The following GABRB1 variants were observed in gnomAD, a reference collection of about 807,000 sequenced individuals.
GABRB1 encodes gamma-aminobutyric acid receptor subunit beta-1.
A neutral mutation model predicts 51.6 loss-of-function variants in GABRB1; 17 were observed. The observed-to-expected ratio is 0.33, with a 90% CI of 0.23 to 0.49. The LOEUF (loss-of-function observed/expected upper bound fraction) is 0.49. Among genes scored for constraint, GABRB1 ranks in the 20% least tolerant of loss-of-function variants. The pLI is 0.99. For missense variants in GABRB1, 410 were observed against 600.6 expected (o/e 0.68, Z 3.32); for synonymous variants, 247 against 218.9 (o/e 1.13, Z -1.14).
rs143483248 is a variant in GABRB1, at chr4:47,198,728, G to A, written c.461+37259G>A. Among the ~76,000 whole-genome samples the A allele has an allele frequency of 2.8e-3, 424 of 152,312 alleles. 3 individuals are homozygous for A. Among genetic ancestry groups the A allele is most frequent in the African/African-American group, 9.2e-3 (381 of 41,564 alleles). On this transcript the variant is annotated intron_variant, in intron 4 of 8. Coordinates refer to ENST00000295454, the MANE Select transcript of GABRB1 (RefSeq NM_000812.4). ...TTTAGCTGAGAAGATTTCTGTTTTA[G>A]TACATTCTCCTGCTGCTACAAAGAA... is the stretch of plus-strand genomic sequence containing the variant.
At chr4:47,032,321 G>T (rs1296047738) in intron 2 of GABRB1, 96 bp from the exon 3 acceptor site, 8 of 1,158,348 alleles carry the variant, frequency 6.9e-6, no homozygotes, top group Non-Finnish European at 8.6e-6. Context: ...GAGGGAGCCC[G>T]TTAAGAATGG....
chr4:47,037,559 T>TTG (rs1553911047), intron 3 of GABRB1, among the ~76,000 whole-genome samples: 1 of 149,882 alleles, frequency 6.7e-6, no homozygotes, highest in Non-Finnish European at 1.5e-5. Context: ...TGTTTTTTGT[T>TTG]TTTTTTTTTT....
intron 8 of GABRB1, among the ~76,000 whole-genome samples, chr4:47,421,781 T>C (rs1334469322): frequency 2.0e-5 from 3 of 152,146 alleles, no homozygotes; most frequent in Non-Finnish European, 4.4e-5. Context: ...TATTATGCCA[T>C]GTACAGTTTG....
intron 3 of GABRB1, among the ~76,000 whole-genome samples, chr4:47,062,615 C>A (rs1288825425): frequency 1.3e-5 from 2 of 152,084 alleles, no homozygotes; most frequent in African/African-American, 4.8e-5. Context: ...TTAACTCTTT[C>A]CAATACATTC....
intron 4 of GABRB1, among the ~76,000 whole-genome samples, chr4:47,257,765 A>G (rs1722272664): frequency 6.6e-6 from 1 of 152,088 alleles, no homozygotes; most frequent in South Asian, 2.1e-4. Context: ...AGGAAAGAAA[A>G]AAAGACTTTA....
intron 3 of GABRB1, among the ~76,000 whole-genome samples, chr4:47,109,735 T>G (rs1715136720): frequency 6.6e-6 from 1 of 152,174 alleles, no homozygotes; most frequent in Non-Finnish European, 1.5e-5. Flanking sequence ...GATTTAAAGA[T>G]GCAATTTAGG....
chr4:47,032,774 CT>C (rs1174745440), intron 3 of GABRB1: 1 of 619,396 alleles, frequency 1.6e-6, no homozygotes, highest in Admixed American at 2.1e-5. Context: ...GTTACTTTAG[CT>C]GGGTTTCCCT....
chr4:47,149,809 C>CT (rs1171664118), intron 3 of GABRB1, among the ~76,000 whole-genome samples: 2 of 151,792 alleles, frequency 1.3e-5, no homozygotes, highest in African/African-American at 2.4e-5. Context: ...TTTTCTTTTT[C>CT]TTTTTTTCTC....
intron 3 of GABRB1, among the ~76,000 whole-genome samples, chr4:47,089,592 T>C (rs1728215505): frequency 6.6e-6 from 1 of 152,188 alleles, no homozygotes; most frequent in Non-Finnish European, 1.5e-5. Context: ...AAATAGGAGT[T>C]CTGAAGCACA....
chr4:47,247,800 C>A (rs1011218734), intron 4 of GABRB1, among the ~76,000 whole-genome samples: 4 of 151,950 alleles, frequency 2.6e-5, no homozygotes, highest in African/African-American at 7.2e-5. Context: ...GAGTTGAGAT[C>A]TTGATTTGAT....
At chr4:47,268,510 T>G (rs987815600) in intron 4 of GABRB1, among the ~76,000 whole-genome samples, 1 of 152,208 alleles carries the variant, frequency 6.6e-6, no homozygotes, top group Non-Finnish European at 1.5e-5. Flanking sequence ...AAATGAAATT[T>G]GATTTAAATA....
chr4:47,210,561 A>G (rs1720314220), intron 4 of GABRB1, among the ~76,000 whole-genome samples: 1 of 152,200 alleles, frequency 6.6e-6, no homozygotes, highest in South Asian at 2.1e-4. Context: ...AGGGATACTA[A>G]GCACTATTAG....
chr4:47,170,741 TG>T (rs1177895904), intron 4 of GABRB1, among the ~76,000 whole-genome samples: 4 of 152,230 alleles, frequency 2.6e-5, no homozygotes, highest in Non-Finnish European at 5.9e-5. Flanking sequence ...CTATTTCAAA[TG>T]GAAGAGAGAA....
At chr4:47,350,291 AG>A (rs1346844375) in intron 5 of GABRB1, among the ~76,000 whole-genome samples, 1 of 148,088 alleles carries the variant, frequency 6.8e-6, no homozygotes, top group African/African-American at 2.5e-5. Flanking sequence ...ATATATAGAG[AG>A]AGAGAGAGAG....
intron 3 of GABRB1, among the ~76,000 whole-genome samples, chr4:47,104,172 G>A (rs895241802): frequency 2.0e-5 from 3 of 151,732 alleles, no homozygotes; most frequent in Non-Finnish European, 4.4e-5. Flanking sequence ...GAATATAGAA[G>A]TATAGGATGA....
intron 5 of GABRB1, among the ~76,000 whole-genome samples, chr4:47,372,675 A>G (rs554099753): frequency 6.6e-6 from 1 of 152,300 alleles, no homozygotes; most frequent in South Asian, 2.1e-4. Context: ...TGAGAGGAGA[A>G]ATGTCTTTGC....
At chr4:47,161,591 T>C in intron 4 of GABRB1, 122 bp downstream of exon 4, 1 of 731,030 alleles carries the variant, frequency 1.4e-6, no homozygotes, top group East Asian at 2.7e-5. Flanking sequence ...TGGGGTGTCA[T>C]ATACTTATGA....
At chr4:47,285,714 A>C (rs1723488228) in intron 4 of GABRB1, among the ~76,000 whole-genome samples, 1 of 152,172 alleles carries the variant, frequency 6.6e-6, no homozygotes, top group Non-Finnish European at 1.5e-5. Context: ...TTTCATCCTC[A>C]GTTTCTTCCT....
At chr4:47,382,646 A>G (rs1422557587) in intron 5 of GABRB1, among the ~76,000 whole-genome samples, 3 of 152,198 alleles carry the variant, frequency 2.0e-5, no homozygotes, top group Admixed American at 6.5e-5. Flanking sequence ...TCCATCTGAA[A>G]AAGTGAAAAG....
Sources: gnomAD v4.1 joint callset for allele counts (sites outside exome capture counted in the v4.1 genomes callset) on GRCh38, gnomAD v4.1.1 for gene constraint, MANE v1.5 for transcripts, NCBI Gene and HGNC (gene_info 2026-07-23, HGNC 2026-07-21) for gene names.